Variants in ZBTB7C observed in about 807,000 individuals in gnomAD.
ZBTB7C encodes zinc finger and BTB domain containing 7C, also known as zinc finger and BTB domain-containing protein 7C.
In ZBTB7C, 8 loss-of-function variants were observed where a neutral mutation model predicts 25.7. That is an observed-to-expected ratio of 0.31 (90% CI 0.18 to 0.56). ZBTB7C has a LOEUF of 0.56. Ranked by LOEUF, ZBTB7C falls within the 20% of genes least tolerant of loss-of-function variation. ZBTB7C has a pLI of 0.91. For synonymous variants in ZBTB7C, 394 were observed against 369.0 expected, an observed-to-expected ratio of 1.07 and a Z score of -0.78; for missense variants, 824 against 855.2, an observed-to-expected ratio of 0.96 and a Z score of 0.46.
chr18:48,321,955 C>T (rs1330534029), intron 2 of ZBTB7C, among the ~76,000 whole-genome samples: 1 of 152,214 alleles, frequency 6.6e-6, no homozygotes, highest in African/African-American at 2.4e-5. Context: ...TACTCTTATT[C>T]CCCAGACCCC....
In ZBTB7C at chr18:48,029,365, C is replaced by T. The variant is rs922448366; in HGVS notation, c.1755G>A (p.Ala585=). 3.0e-5 allele frequency: 47 copies of T among 1,547,474 alleles called. 1 individual carries two copies. In the Middle Eastern group the frequency reaches 6.7e-4, roughly 22 times the overall value. The change falls in exon 5 of 5, where the codon GCG becomes GCA. Residue 585 remains alanine, a synonymous_variant. Coordinates refer to ENST00000590800, the MANE Select transcript of ZBTB7C (RefSeq NM_001318841.2). ...AFALAENVAA[A]RPYFPLPDPW... is the part of the protein sequence containing the mutation. ...GGTCGGGCAGCGGGAAGTAGGGCCG[C>T]GCCGCCGCCACGTTCTCGGCCAGCG... is the stretch of plus-strand genomic sequence containing the variant.
intron 3 of ZBTB7C, among the ~76,000 whole-genome samples, chr18:48,089,065 G>C (rs2038306361): frequency 6.6e-6 from 1 of 152,168 alleles, no homozygotes; most frequent in Non-Finnish European, 1.5e-5. Flanking sequence ...TCACACAGGA[G>C]AGAAAATTAT....
intron 1 of ZBTB7C, among the ~76,000 whole-genome samples, chr18:48,372,828 G>A (rs576975719): frequency 5.9e-5 from 9 of 152,090 alleles, no homozygotes; most frequent in South Asian, 4.2e-4. Flanking sequence ...GAGAGGTCCC[G>A]TCTACATAGA....
chr18:48,143,390 T>C (rs767521838), intron 3 of ZBTB7C, among the ~76,000 whole-genome samples: 3 of 152,188 alleles, frequency 2.0e-5, no homozygotes, highest in Admixed American at 6.5e-5. Context: ...AGAGAACATT[T>C]ATGCACAGAA....
intron 1 of ZBTB7C, among the ~76,000 whole-genome samples, chr18:48,339,836 A>G (rs2046552165): frequency 6.6e-6 from 1 of 152,180 alleles, no homozygotes; most frequent in Non-Finnish European, 1.5e-5. Context: ...GGAGGCTCCT[A>G]GTTAACAGGA....
At chr18:48,346,813 T>G (rs2046741800) in intron 1 of ZBTB7C, 2 of 150,744 alleles carry the variant, frequency 1.3e-5, no homozygotes, top group Admixed American at 6.6e-5. Flanking sequence ...TTAGATGGAG[T>G]CTTGCTCTGT....
At chr18:48,077,539 C>T (rs2037819180) in intron 3 of ZBTB7C, among the ~76,000 whole-genome samples, 1 of 152,218 alleles carries the variant, frequency 6.6e-6, no homozygotes. Flanking sequence ...TGGCATGGAG[C>T]AGCTGCTTAA....
intron 3 of ZBTB7C, among the ~76,000 whole-genome samples, chr18:48,141,725 T>C (rs1326491643): frequency 6.6e-6 from 1 of 152,196 alleles, no homozygotes; most frequent in East Asian, 1.9e-4. Context: ...ACTTCTTGGA[T>C]GCTTAACAAA....
intron 2 of ZBTB7C, among the ~76,000 whole-genome samples, chr18:48,250,611 T>C (rs370068022): frequency 6.6e-6 from 1 of 152,102 alleles, no homozygotes; most frequent in Admixed American, 6.5e-5. Context: ...GGACAGAACC[T>C]TTTTGCATGA....
At chr18:48,172,267 T>C (rs2041508443) in intron 3 of ZBTB7C, among the ~76,000 whole-genome samples, 1 of 152,160 alleles carries the variant, frequency 6.6e-6, no homozygotes, top group African/African-American at 2.4e-5. Flanking sequence ...GGTGGGAAGA[T>C]GGGTCTGCAT....
rs542012594 is a variant in ZBTB7C at position 48,396,086 on chromosome 18, T to C, written c.-304+13140A>G. On this transcript the variant is annotated intron_variant, in intron 1 of 4. Transcript: ENST00000590800. ...ATTACTTTATCAAATAATTCACTTT[T>C]ACAACCTTTCTCTCCATCCCTACCC... Among the ~76,000 whole-genome samples the C allele has an allele frequency of 4.5e-4, 69 of 152,318 alleles. 1 individual carries two copies. Among genetic ancestry groups the C allele is most frequent in the Admixed American group, 2.6e-4 (4 of 15,300 alleles).
intron 3 of ZBTB7C, among the ~76,000 whole-genome samples, chr18:48,089,554 G>A (rs547074529): frequency 2.0e-5 from 3 of 151,544 alleles, no homozygotes; most frequent in African/African-American, 7.3e-5. Flanking sequence ...CTCCCCGGGC[G>A]ATTCTGATGT....
intron 3 of ZBTB7C, among the ~76,000 whole-genome samples, chr18:48,109,323 GA>G (rs1354461849): frequency 6.6e-6 from 1 of 152,160 alleles, no homozygotes. Flanking sequence ...TGCCTCTCTA[GA>G]GCCCTTTCCC....
chr18:48,262,314 A>G (rs2044194682), intron 2 of ZBTB7C, among the ~76,000 whole-genome samples: 1 of 152,144 alleles, frequency 6.6e-6, no homozygotes, highest in Non-Finnish European at 1.5e-5. Flanking sequence ...TGAAGGATGA[A>G]GTACTTGGAA....
intron 3 of ZBTB7C, among the ~76,000 whole-genome samples, chr18:48,116,303 C>A (rs898265220): frequency 2.0e-5 from 3 of 152,296 alleles, no homozygotes; most frequent in Non-Finnish European, 2.9e-5. Flanking sequence ...TGTAACTTAT[C>A]TTTGGACTCC....
At chr18:48,299,366 A>C (rs183809015) in intron 2 of ZBTB7C, among the ~76,000 whole-genome samples, 2 of 152,350 alleles carry the variant, frequency 1.3e-5, no homozygotes, top group East Asian at 1.9e-4. Context: ...TGGATTCTTC[A>C]TACTTTAGAA....
chr18:48,294,600 G>A (rs2045335107), intron 2 of ZBTB7C, among the ~76,000 whole-genome samples: 1 of 151,844 alleles, frequency 6.6e-6, no homozygotes, highest in Non-Finnish European at 1.5e-5. Context: ...TGGACCTGGC[G>A]CTCAGCTGCC....
At chr18:48,157,834 C>A (rs1262541019) in intron 3 of ZBTB7C, among the ~76,000 whole-genome samples, 1 of 152,202 alleles carries the variant, frequency 6.6e-6, no homozygotes, top group Admixed American at 6.5e-5. Flanking sequence ...CTCCTAGTGC[C>A]TGCCTCTGCA....
At chr18:48,314,508 G>A (rs1419100949) in intron 2 of ZBTB7C, among the ~76,000 whole-genome samples, 1 of 152,158 alleles carries the variant, frequency 6.6e-6, no homozygotes, top group Non-Finnish European at 1.5e-5. Context: ...TCCAGTGAAG[G>A]AGGAAAAGGG....
Sources: gnomAD v4.1 joint callset for allele counts (sites outside exome capture counted in the v4.1 genomes callset) on GRCh38, gnomAD v4.1.1 for gene constraint, MANE v1.5 for transcripts, NCBI Gene and HGNC (gene_info 2026-07-23, HGNC 2026-07-21) for gene names.